ADAMTS16: variants seen among roughly 807,000 people sequenced by gnomAD.
The protein encoded by ADAMTS16 is A disintegrin and metalloproteinase with thrombospondin motifs 16.
A neutral mutation model predicts 145.8 loss-of-function variants in ADAMTS16; 94 were observed. The observed-to-expected ratio is 0.64, with a 90% CI of 0.55 to 0.77. The LOEUF is 0.77. Among genes scored for constraint, ADAMTS16 ranks in the 30% least tolerant of loss-of-function variants. The pLI, the probability that ADAMTS16 is intolerant of heterozygous loss-of-function variation, is 0.00. For synonymous variants in ADAMTS16, 659 were observed against 604.3 expected (o/e 1.09, Z -1.33); for missense variants, 1,585 against 1,591.5 (o/e 1.00, Z 0.07).
intron 18 of ADAMTS16, among the ~76,000 whole-genome samples, chr5:5,288,035 C>T (rs1283412743): frequency 3.6e-4 from 55 of 152,176 alleles, no homozygotes; most frequent in African/African-American, 1.3e-3. Flanking sequence ...TCCAAGAAAC[C>T]CTGACGCGAA....
chr5:5,165,385 A>T (rs1734847733), intron 3 of ADAMTS16, among the ~76,000 whole-genome samples: 2 of 152,172 alleles, frequency 1.3e-5, no homozygotes, highest in African/African-American at 4.8e-5. Context: ...TTATCTACAC[A>T]AATGCAGCTG....
At chr5:5,235,311 A>G (rs1737073600) in intron 13 of ADAMTS16, 125 bp downstream of exon 13, 1 of 1,044,136 alleles carries the variant, frequency 9.6e-7, no homozygotes, top group Non-Finnish European at 1.3e-6. Context: ...TGAGGGTCGC[A>G]TATTCTCTTC....
intron 9 of ADAMTS16, among the ~76,000 whole-genome samples, chr5:5,202,528 A>G (rs949003945): frequency 6.6e-6 from 1 of 152,142 alleles, no homozygotes; most frequent in Non-Finnish European, 1.5e-5. Context: ...TGTTTCTTGC[A>G]GCTGTTCACA....
intron 18 of ADAMTS16, among the ~76,000 whole-genome samples, chr5:5,288,916 G>A (rs1469477030): frequency 1.3e-5 from 2 of 152,112 alleles, no homozygotes; most frequent in African/African-American, 2.4e-5. Context: ...CAGGGTCCTC[G>A]GTGTCTCTAG....
intron 3 of ADAMTS16, among the ~76,000 whole-genome samples, chr5:5,171,412 T>C (rs557224041): frequency 2.6e-4 from 39 of 152,328 alleles, no homozygotes; most frequent in African/African-American, 8.9e-4. Flanking sequence ...GTGGGTCTGC[T>C]GTATATGGCT....
At position 5,234,345 on chromosome 5, in the gene ADAMTS16, C is replaced by T. The variant is rs557259346; in HGVS notation, c.1851-669C>T. ...TCATTGAACTTCCCTCTGAGTTCCA[C>T]ATTCTCTCAAATGTGCTATCCTGGG... On this transcript the variant is annotated intron_variant, in intron 12 of 22. Transcript: ENST00000274181. 3.9e-5 allele frequency among the ~76,000 whole-genome samples: 6 copies of T among 152,336 alleles called. No individual in the cohort carries two copies. The South Asian group carries it at 1.2e-3, about 32-fold the overall frequency.
chr5:5,256,804 C>T (rs962910484), intron 17 of ADAMTS16, among the ~76,000 whole-genome samples: 1 of 152,080 alleles, frequency 6.6e-6, no homozygotes, highest in East Asian at 1.9e-4. Context: ...GGAAACCAAA[C>T]TGAAGCCATT....
At chr5:5,167,821 T>C (rs1277280212) in intron 3 of ADAMTS16, among the ~76,000 whole-genome samples, 1 of 152,236 alleles carries the variant, frequency 6.6e-6, no homozygotes, top group Non-Finnish European at 1.5e-5. Flanking sequence ...CATGTGGCAA[T>C]TGAGGAGTTG....
At chr5:5,311,695 C>T (rs1166641996) in intron 21 of ADAMTS16, among the ~76,000 whole-genome samples, 1 of 151,736 alleles carries the variant, frequency 6.6e-6, no homozygotes, top group Non-Finnish European at 1.5e-5. Context: ...TACACGTGCA[C>T]ACCACCATGC....
chr5:5,312,020 G>A (rs1037665930), intron 21 of ADAMTS16, among the ~76,000 whole-genome samples: 5 of 152,022 alleles, frequency 3.3e-5, no homozygotes, highest in East Asian at 3.9e-4. Context: ...CTCGGCCATC[G>A]GTTCGCTTCT....
intron 18 of ADAMTS16, among the ~76,000 whole-genome samples, chr5:5,288,066 C>G (rs955055725): frequency 2.0e-5 from 3 of 152,078 alleles, no homozygotes; most frequent in African/African-American, 7.2e-5. Context: ...AAGCCCGAAA[C>G]TAGAGGAGGA....
chr5:5,151,601 A>ACG (rs1353638391), intron 3 of ADAMTS16, among the ~76,000 whole-genome samples: 2 of 100,866 alleles, frequency 2.0e-5, no homozygotes, highest in Non-Finnish European at 4.2e-5. Flanking sequence ...GTTTATACAC[A>ACG]CACACACGCA....
At chr5:5,173,307 G>T (rs536694486) in intron 3 of ADAMTS16, among the ~76,000 whole-genome samples, 49 of 148,302 alleles carry the variant, frequency 3.3e-4, no homozygotes, top group African/African-American at 1.0e-3. Flanking sequence ...GTTTTCTGGG[G>T]TTTTTTGTGC....
chr5:5,204,420 C>G (rs1364123665), intron 9 of ADAMTS16, among the ~76,000 whole-genome samples: 3 of 152,148 alleles, frequency 2.0e-5, no homozygotes, highest in Non-Finnish European at 4.4e-5. Flanking sequence ...GTGTAACTAA[C>G]TTCTATGCAG....
chr5:5,234,879 A>AG, intron 12 of ADAMTS16, 135 bp from the exon 13 acceptor site: 1 of 484,736 alleles, frequency 2.1e-6, no homozygotes, highest in Non-Finnish European at 3.1e-6. Flanking sequence ...CAAAAAAAAA[A>AG]AAAAAAAAAG....
At position 5,191,421 on chromosome 5, in the gene ADAMTS16, G is replaced by A. The variant is rs78275774; in HGVS notation, c.1208-264G>A. Among the ~76,000 whole-genome samples, 819 of 151,966 alleles carry A rather than the reference G, an allele frequency of 5.4e-3. 14 individuals are homozygous for A. Among genetic ancestry groups the A allele is most frequent in the African/African-American group, 0.019 (793 of 41,466 alleles). On this transcript the variant is annotated intron_variant, in intron 7 of 22. Transcript: ENST00000274181. ...CTGCCCCAGGCTCTAATAGAGTCACGCCCCAATTAGAGCCTGCACCACGAA... is the reference window on the plus strand; with the variant it reads ...CTGCCCCAGGCTCTAATAGAGTCACACCCCAATTAGAGCCTGCACCACGAA...
rs745614459 is a variant in ADAMTS16, at chr5:5,222,902, GGTA to G, written c.1701+19_1701+21del. 3 of 1,610,264 alleles carry G rather than the reference GGTA, an allele frequency of 1.9e-6. No individual in the cohort carries two copies. In the African/African-American group the frequency reaches 4.0e-5, roughly 22 times the overall value. ...ATGACATGGTAAGAAGCTAACTGTAGGTACAGCATCGTATTCAGATGCTAGTCT... is the reference window on the plus strand; with the variant it reads ...ATGACATGGTAAGAAGCTAACTGTAGCAGCATCGTATTCAGATGCTAGTCT... On this transcript the variant is annotated intron_variant, in intron 11 of 22. Transcript: ENST00000274181.
chr5:5,206,198 G>T (rs1029114404), intron 9 of ADAMTS16, among the ~76,000 whole-genome samples: 24 of 151,028 alleles, frequency 1.6e-4, no homozygotes, highest in African/African-American at 5.6e-4. Flanking sequence ...AGGCCGAGGC[G>T]GGCGGATCAC....
At chr5:5,296,765 T>G (rs940239006) in intron 18 of ADAMTS16, among the ~76,000 whole-genome samples, 2 of 152,206 alleles carry the variant, frequency 1.3e-5, no homozygotes, top group African/African-American at 4.8e-5. Context: ...CTTTGGATGT[T>G]AAGCCTGGTA....
Sources: allele counts gnomAD v4.1 joint callset (sites outside exome capture counted in the v4.1 genomes callset), GRCh38; gene constraint gnomAD v4.1.1; transcripts MANE v1.5; gene names NCBI Gene and HGNC (gene_info 2026-07-23, HGNC 2026-07-21).